HSD17B12: variants seen among roughly 807,000 people sequenced by gnomAD.
HSD17B12 encodes hydroxysteroid 17-beta dehydrogenase 12.
In HSD17B12, 32 loss-of-function variants were observed where a neutral mutation model predicts 39.3. The observed-to-expected ratio is 0.81, with a 90% CI of 0.61 to 1.09. The LOEUF (loss-of-function observed/expected upper bound fraction) is 1.09. Among genes scored for constraint, HSD17B12 ranks in the 50% least tolerant of loss-of-function variants. The pLI is 0.00. For synonymous variants in HSD17B12, 150 were observed against 146.7 expected (o/e 1.02, Z -0.16); for missense variants, 342 against 382.9 (o/e 0.89, Z 0.89).
intron 3 of HSD17B12, among the ~76,000 whole-genome samples, chr11:43,765,856 C>T (rs556052789): frequency 2.2e-4 from 33 of 151,948 alleles, no homozygotes; most frequent in African/African-American, 5.1e-4. Flanking sequence ...TTTTTTGAGA[C>T]GGAGTCTCAC....
At chr11:43,668,049 T>C in the HSD17B12 span, among the ~76,000 whole-genome samples, 1 of 152,150 alleles carries the variant, frequency 6.6e-6, no homozygotes, top group Admixed American at 6.6e-5. Flanking sequence ...GACCAGAGCA[T>C]GATACACTTC....
At chr11:43,641,632 C>A in the HSD17B12 span, among the ~76,000 whole-genome samples, 1 of 151,854 alleles carries the variant, frequency 6.6e-6, no homozygotes, top group Non-Finnish European at 1.5e-5. Flanking sequence ...CAGGCAAGAA[C>A]CTGTACTTTG....
At chr11:43,778,002 A>G (rs1950726203) in intron 3 of HSD17B12, among the ~76,000 whole-genome samples, 1 of 152,104 alleles carries the variant, frequency 6.6e-6, no homozygotes, top group Non-Finnish European at 1.5e-5. Context: ...ACTGAAGGAA[A>G]TAGAGACACA....
At chr11:43,794,992 G>A (rs1950903668) in intron 3 of HSD17B12, among the ~76,000 whole-genome samples, 1 of 151,976 alleles carries the variant, frequency 6.6e-6, no homozygotes, top group East Asian at 1.9e-4. Flanking sequence ...CTAGCAGTAG[G>A]CTGTTGCTGA....
chr11:43,719,211 AT>A, intron 1 of HSD17B12: 1 of 665,076 alleles, frequency 1.5e-6, no homozygotes, highest in East Asian at 2.8e-5. Context: ...GCCTCTGTCA[AT>A]TTCTGGTTGG....
chr11:43,815,969 A>G (rs1056414742), intron 5 of HSD17B12, among the ~76,000 whole-genome samples: 2 of 152,216 alleles, frequency 1.3e-5, no homozygotes, highest in African/African-American at 4.8e-5. Context: ...CGAGAAAAGC[A>G]TATCATTGAA....
chr11:43,747,418 T>G (rs920889610), intron 1 of HSD17B12, among the ~76,000 whole-genome samples: 1 of 152,056 alleles, frequency 6.6e-6, no homozygotes, highest in African/African-American at 2.4e-5. Context: ...GGAGGTGAGG[T>G]TCTGTGTTGG....
At chr11:43,784,094 G>A (rs2135016971) in intron 3 of HSD17B12, among the ~76,000 whole-genome samples, 1 of 152,178 alleles carries the variant, frequency 6.6e-6, no homozygotes, top group East Asian at 1.9e-4. Context: ...CTTAAGAGCT[G>A]AGCTCCCTCA....
chr11:43,682,285 G>A (rs916831946), intron 1 of HSD17B12, among the ~76,000 whole-genome samples: 2 of 152,194 alleles, frequency 1.3e-5, no homozygotes, highest in Non-Finnish European at 2.9e-5. Context: ...GGGTGTGATG[G>A]CTCACGCCTG....
chr11:43,826,190 C>T (rs1303252682), intron 6 of HSD17B12, among the ~76,000 whole-genome samples: 1 of 149,802 alleles, frequency 6.7e-6, no homozygotes, highest in Non-Finnish European at 1.5e-5. Flanking sequence ...TCACGCCATT[C>T]TCCTGCCTCA....
chr11:43,575,881 T>C, the HSD17B12 span, among the ~76,000 whole-genome samples: 2 of 152,226 alleles, frequency 1.3e-5, no homozygotes, highest in African/African-American at 4.8e-5. This position sits in a 1 kb window ranked among gnomAD's most constrained non-coding sequence, Gnocchi z 4.1. Context: ...TTTCAAAATA[T>C]ACATTTCCAA....
intron 3 of HSD17B12, among the ~76,000 whole-genome samples, chr11:43,787,904 C>T (rs1326808624): frequency 6.6e-6 from 1 of 151,886 alleles, no homozygotes. Context: ...GAGATCCAGA[C>T]CTTGAAAAGA....
At chr11:43,742,150 T>TTTTTTTA (rs1554964312) in intron 1 of HSD17B12, among the ~76,000 whole-genome samples, 1 of 146,682 alleles carries the variant, frequency 6.8e-6, no homozygotes. Context: ...TTTTTTTTTT[T>TTTTTTTA]AAATTGAGAC....
the HSD17B12 span, among the ~76,000 whole-genome samples, chr11:43,563,098 C>A: frequency 6.6e-6 from 1 of 152,194 alleles, no homozygotes; most frequent in African/African-American, 2.4e-5. Context: ...GCCATGACTT[C>A]ATCTCCTAGT....
the HSD17B12 span, among the ~76,000 whole-genome samples, chr11:43,641,667 G>A: frequency 6.6e-6 from 1 of 151,910 alleles, no homozygotes. Context: ...TCAGTGTTTG[G>A]TAATTGTGTT....
chr11:43,761,478 C>T (rs1950554536), intron 3 of HSD17B12, among the ~76,000 whole-genome samples: 1 of 152,202 alleles, frequency 6.6e-6, no homozygotes, highest in African/African-American at 2.4e-5. Flanking sequence ...CAAACCACCC[C>T]AAACTTATTG....
intron 3 of HSD17B12, among the ~76,000 whole-genome samples, chr11:43,793,949 A>T (rs1383693589): frequency 6.6e-6 from 1 of 152,220 alleles, no homozygotes; most frequent in Non-Finnish European, 1.5e-5. Flanking sequence ...AAAGGGAGTG[A>T]ATAGTATCAG....
At chr11:43,707,200 G>T (rs1482184674) in intron 1 of HSD17B12, among the ~76,000 whole-genome samples, 1 of 152,220 alleles carries the variant, frequency 6.6e-6, no homozygotes, top group African/African-American at 2.4e-5. Flanking sequence ...AACAAAATGG[G>T]CAAAGTCTTT....
At chr11:43,802,187 C>T (rs940597160) in intron 4 of HSD17B12, among the ~76,000 whole-genome samples, 4 of 151,822 alleles carry the variant, frequency 2.6e-5, no homozygotes, top group East Asian at 1.9e-4. Context: ...GGGGTTTCAC[C>T]GTGTTAGCCA....
Sources: gnomAD v4.1 joint callset for allele counts (sites outside exome capture counted in the v4.1 genomes callset) on GRCh38, gnomAD v4.1.1 for gene constraint, Gnocchi (gnomAD v3.1) non-coding constraint, MANE v1.5 for transcripts, NCBI Gene and HGNC (gene_info 2026-07-23, HGNC 2026-07-21) for gene names.